GPC5: variants seen among roughly 807,000 people sequenced by gnomAD.
GPC5 encodes glypican 5, also known as glypican-5.
A neutral mutation model predicts 53.9 loss-of-function variants in GPC5; 47 were observed. The ratio of observed to expected loss-of-function variants is 0.87; its 90% CI spans 0.69 to 1.11. The LOEUF (loss-of-function observed/expected upper bound fraction) is 1.11. GPC5 is among the 50% of genes most tolerant of loss of function. The pLI, the probability that GPC5 is intolerant of heterozygous loss-of-function variation, is 0.00. For synonymous variants in GPC5, 286 were observed against 263.3 expected, an observed-to-expected ratio of 1.09 and a Z score of -0.84; for missense variants, 748 against 713.1, an observed-to-expected ratio of 1.05 and a Z score of -0.56.
chr13:92,669,619 C>G (rs527870609), intron 7 of GPC5, among the ~76,000 whole-genome samples: 1 of 152,282 alleles, frequency 6.6e-6, no homozygotes, highest in Non-Finnish European at 1.5e-5. Flanking sequence ...GAATTGTCCC[C>G]AGGTCCCAAT....
At chr13:92,527,503 AAGGTCACCGGTGAGCTTG>A (rs1881407800) in intron 7 of GPC5, among the ~76,000 whole-genome samples, 1 of 152,060 alleles carries the variant, frequency 6.6e-6, no homozygotes, top group African/African-American at 2.4e-5. Context: ...TGGAAAAACA[AAGGTCACCGGTGAGCTTG>A]AGAAGAGTAA....
chr13:92,543,075 C>T (rs1025768198), intron 7 of GPC5, among the ~76,000 whole-genome samples: 1 of 151,912 alleles, frequency 6.6e-6, no homozygotes, highest in Non-Finnish European at 1.5e-5. Context: ...TGTTGCATGC[C>T]TTTTCTCACC....
intron 5 of GPC5, among the ~76,000 whole-genome samples, chr13:91,848,098 C>T (rs1010524788): frequency 6.6e-6 from 1 of 152,168 alleles, no homozygotes; most frequent in African/African-American, 2.4e-5. Context: ...GCCTTTCAGG[C>T]CTAAACTTTT....
intron 6 of GPC5, among the ~76,000 whole-genome samples, chr13:91,959,132 G>GA (rs1385022179): frequency 7.0e-6 from 1 of 143,036 alleles, no homozygotes; most frequent in Non-Finnish European, 1.5e-5. Context: ...TTGTTTTTTT[G>GA]AAAAAATAAA....
At chr13:91,685,955 G>A (rs996404181) in intron 2 of GPC5, among the ~76,000 whole-genome samples, 6 of 151,398 alleles carry the variant, frequency 4.0e-5, no homozygotes, top group Admixed American at 2.0e-4. Flanking sequence ...AAGAAAAAGA[G>A]GAAGGAGAAC....
At chr13:91,750,188 C>A (rs927632847) in intron 4 of GPC5, among the ~76,000 whole-genome samples, 3 of 152,206 alleles carry the variant, frequency 2.0e-5, no homozygotes, top group East Asian at 3.9e-4. Context: ...TACACTGTTA[C>A]AAGCCCAGAT....
chr13:91,657,403 G>T (rs2034872452), intron 2 of GPC5, among the ~76,000 whole-genome samples: 1 of 152,104 alleles, frequency 6.6e-6, no homozygotes, highest in Non-Finnish European at 1.5e-5. Context: ...CTCAACTGGG[G>T]ACAATTTTGC....
At position 91,799,670 on chromosome 13, in the gene GPC5, A is replaced by G. The variant is rs573854123; in HGVS notation, c.1280+43250A>G. 3.0e-4 allele frequency among the ~76,000 whole-genome samples: 45 copies of G among 152,264 alleles called. 1 individual carries two copies. In the South Asian group the frequency reaches 7.5e-3, roughly 25 times the overall value. On this transcript the variant is annotated intron_variant, in intron 5 of 7. Coordinates refer to ENST00000377067, the MANE Select transcript of GPC5 (RefSeq NM_004466.6). ...TTGTGATACCTTCTATTTTCAATCT[A>G]TATACAGCATAGGATGTAGTGTAGT... is the stretch of plus-strand genomic sequence containing the variant.
chr13:91,459,641 C>T (rs1881802735), intron 2 of GPC5, among the ~76,000 whole-genome samples: 1 of 151,896 alleles, frequency 6.6e-6, no homozygotes, highest in African/African-American at 2.4e-5. Context: ...CAAACTGTGA[C>T]CTGTTTCTCC....
In GPC5 at chr13:92,142,353, C is replaced by A. The variant is rs371042187; in HGVS notation, c.1402-2477C>A. ...GGCACGACTGACATCATATTCACAG[C>A]CCCAGGGGTTAAGGTGGAAAATCTT... On this transcript the variant is annotated intron_variant, in intron 6 of 7. Transcript: ENST00000377067. Among the ~76,000 whole-genome samples, 6 of 152,262 alleles carry A rather than the reference C, an allele frequency of 3.9e-5. No individual in the cohort carries two copies. The East Asian group carries it at 1.2e-3, about 29-fold the overall frequency.
At chr13:92,065,199 C>G (rs2041158639) in intron 6 of GPC5, among the ~76,000 whole-genome samples, 1 of 152,252 alleles carries the variant, frequency 6.6e-6, no homozygotes, top group African/African-American at 2.4e-5. Context: ...AGTTATGAGT[C>G]TATCTATCAA....
intron 6 of GPC5, among the ~76,000 whole-genome samples, chr13:91,960,261 C>T (rs149443494): frequency 6.6e-6 from 1 of 151,198 alleles, no homozygotes; most frequent in Admixed American, 6.6e-5. Context: ...ATGCAAAAAT[C>T]AGTGGCATAC....
At chr13:92,562,993 C>T (rs1882744969) in intron 7 of GPC5, among the ~76,000 whole-genome samples, 1 of 151,978 alleles carries the variant, frequency 6.6e-6, no homozygotes, top group Non-Finnish European at 1.5e-5. Flanking sequence ...CTCAATAGTA[C>T]TGTGTAACAG....
chr13:92,019,329 A>C (rs1422603894), intron 6 of GPC5, among the ~76,000 whole-genome samples: 1 of 152,062 alleles, frequency 6.6e-6, no homozygotes, highest in African/African-American at 2.4e-5. Flanking sequence ...AAGTTCCAGA[A>C]ATATTGGTCT....
At chr13:92,119,909 A>G (rs1206923486) in intron 6 of GPC5, among the ~76,000 whole-genome samples, 1 of 152,094 alleles carries the variant, frequency 6.6e-6, no homozygotes, top group Non-Finnish European at 1.5e-5. Flanking sequence ...AAAGAGGAAA[A>G]AGCACTGGGT....
chr13:92,798,098 C>T (rs759260598), intron 7 of GPC5, among the ~76,000 whole-genome samples: 33 of 151,742 alleles, frequency 2.2e-4, no homozygotes, highest in Non-Finnish European at 1.3e-4. Context: ...TTTATGTATA[C>T]CAGACTGAGC....
chr13:91,643,723 A>G (rs2034490054), intron 2 of GPC5, among the ~76,000 whole-genome samples: 1 of 152,132 alleles, frequency 6.6e-6, no homozygotes, highest in South Asian at 2.1e-4. Flanking sequence ...GGCTTGTAGA[A>G]GCATCACCTC....
At chr13:92,604,173 C>T (rs1275522370) in intron 7 of GPC5, among the ~76,000 whole-genome samples, 2 of 152,104 alleles carry the variant, frequency 1.3e-5, no homozygotes, top group Admixed American at 1.3e-4. Flanking sequence ...AGTAACAAAA[C>T]AGGAATTACT....
At chr13:92,616,415 T>A (rs555230654) in intron 7 of GPC5, among the ~76,000 whole-genome samples, 19 of 152,216 alleles carry the variant, frequency 1.2e-4, no homozygotes, top group African/African-American at 4.6e-4. Flanking sequence ...TGTAATAAAG[T>A]GTGGAAAAGT....
Sources: allele counts gnomAD v4.1 joint callset (sites outside exome capture counted in the v4.1 genomes callset), GRCh38; gene constraint gnomAD v4.1.1; transcripts MANE v1.5; gene names NCBI Gene and HGNC (gene_info 2026-07-23, HGNC 2026-07-21).